The following LIPI variants were observed in gnomAD, a reference collection of about 807,000 sequenced individuals.
LIPI encodes the protein lipase member I.
In LIPI, 59 loss-of-function variants were observed where a neutral mutation model predicts 50.6. The ratio of observed to expected loss-of-function variants is 1.16; its 90% CI spans 0.94 to 1.45. The LOEUF is 1.45. Among genes scored for constraint, LIPI ranks in the 40% most tolerant of loss-of-function variants. The pLI is 0.00. For missense variants in LIPI, 586 were observed against 536.3 expected, an observed-to-expected ratio of 1.09 and a Z score of -0.92; for synonymous variants, 203 against 178.2, an observed-to-expected ratio of 1.14 and a Z score of -1.11.
intron 4 of LIPI, among the ~76,000 whole-genome samples, chr21:14,181,370 G>A (rs1020247941): frequency 1.3e-5 from 2 of 152,052 alleles, no homozygotes; most frequent in Admixed American, 6.6e-5. Flanking sequence ...AGTTCTAGTC[G>A]ATATATATCA....
intron 1 of LIPI, among the ~76,000 whole-genome samples, chr21:14,192,478 A>C (rs970836052): frequency 3.3e-5 from 5 of 152,210 alleles, no homozygotes; most frequent in African/African-American, 1.2e-4. Context: ...CAAACAAAGA[A>C]ACAAACAACA....
At chr21:14,165,803 T>C (rs2018662676) in intron 5 of LIPI, among the ~76,000 whole-genome samples, 1 of 152,196 alleles carries the variant, frequency 6.6e-6, no homozygotes, top group Admixed American at 6.5e-5. Flanking sequence ...TTTCCAACCT[T>C]GCACATCCTC....
At chr21:14,191,071 G>C (rs558519175) in intron 1 of LIPI, among the ~76,000 whole-genome samples, 1 of 151,852 alleles carries the variant, frequency 6.6e-6, no homozygotes, top group South Asian at 2.1e-4. Context: ...TCAAAAACTG[G>C]AGCAGGAGTA....
intron 9 of LIPI, among the ~76,000 whole-genome samples, chr21:14,135,465 C>T (rs916770570): frequency 3.9e-5 from 6 of 152,102 alleles, no homozygotes; most frequent in South Asian, 2.1e-4. Flanking sequence ...CCAGGAGTGG[C>T]GGCATGGTGC....
chr21:14,127,565 A>G (rs911018346), intron 9 of LIPI, among the ~76,000 whole-genome samples: 3 of 152,162 alleles, frequency 2.0e-5, no homozygotes, highest in African/African-American at 7.2e-5. Flanking sequence ...GCTCTGTTGC[A>G]TATCCTAATG....
intron 9 of LIPI, among the ~76,000 whole-genome samples, chr21:14,133,420 C>T (rs1450062498): frequency 6.6e-6 from 1 of 152,080 alleles, no homozygotes; most frequent in Non-Finnish European, 1.5e-5. Context: ...TGATAAAATT[C>T]CACATCTTTT....
chr21:14,134,470 G>T lies in LIPI; in HGVS notation c.1295+10153C>A, dbSNP rs140965924. On this transcript the variant is annotated intron_variant, in intron 9 of 9. Coordinates refer to ENST00000681601, the MANE Select transcript of LIPI (RefSeq NM_001302998.2). ...AAAATTCGTATGGAATCAGAAGAGA[G>T]CCCAAATAACCAAAGCAATCCTAAG... Among the ~76,000 whole-genome samples, 948 of 152,194 alleles carry T rather than the reference G, an allele frequency of 6.2e-3. 4 individuals are homozygous for T. The highest frequency in any genetic ancestry group is 0.027 in the Middle Eastern group (8 of 294).
At chr21:14,176,117 GCAGTGAGCTGAGATCGCGC>G (rs2019086653) in intron 4 of LIPI, among the ~76,000 whole-genome samples, 2 of 150,092 alleles carry the variant, frequency 1.3e-5, no homozygotes, top group Admixed American at 1.3e-4. Context: ...GTTGGAGCTT[GCAGTGAGCTGAGATCGCGC>G]CACTGCACTC....
At chr21:14,154,549 T>A (rs952558084) in intron 7 of LIPI, among the ~76,000 whole-genome samples, 5 of 152,090 alleles carry the variant, frequency 3.3e-5, no homozygotes, top group Admixed American at 3.3e-4. Context: ...TGATACTATT[T>A]ATAATTAATA....
At chr21:14,111,581 G>C (rs922114362) in intron 9 of LIPI, among the ~76,000 whole-genome samples, 3 of 151,984 alleles carry the variant, frequency 2.0e-5, no homozygotes, top group Admixed American at 6.6e-5. Context: ...ATGAGCATAA[G>C]CTTTTTAGTT....
intron 3 of LIPI, among the ~76,000 whole-genome samples, chr21:14,184,239 C>T: frequency 6.6e-6 from 1 of 152,108 alleles, no homozygotes; most frequent in Non-Finnish European, 1.5e-5. Flanking sequence ...AAAAACCAAA[C>T]ACCGCATGTT....
At chr21:14,172,990 G>T (rs887762859) in intron 4 of LIPI, among the ~76,000 whole-genome samples, 4 of 152,162 alleles carry the variant, frequency 2.6e-5, no homozygotes, top group Non-Finnish European at 4.4e-5. Context: ...AATAATAAGT[G>T]CTATGGAGAA....
chr21:14,194,154 C>T (rs1281673591), intron 1 of LIPI, among the ~76,000 whole-genome samples: 1 of 152,192 alleles, frequency 6.6e-6, no homozygotes, highest in South Asian at 2.1e-4. Flanking sequence ...TGGAAAATAA[C>T]AACTGTTGGT....
intron 9 of LIPI, among the ~76,000 whole-genome samples, chr21:14,134,194 A>G (rs2017405642): frequency 6.6e-6 from 1 of 152,178 alleles, no homozygotes. Context: ...TCATGCCAGT[A>G]TACTTCAGCC....
intron 7 of LIPI, among the ~76,000 whole-genome samples, chr21:14,154,437 T>C (rs989199415): frequency 1.3e-5 from 2 of 152,080 alleles, no homozygotes; most frequent in East Asian, 1.9e-4. Flanking sequence ...TACTAGGATA[T>C]ACTTCAGCAA....
chr21:14,133,926 T>C (rs2017392881), intron 9 of LIPI, among the ~76,000 whole-genome samples: 1 of 152,048 alleles, frequency 6.6e-6, no homozygotes, highest in Non-Finnish European at 1.5e-5. Flanking sequence ...ATCAAGGAGG[T>C]AAATCATCAC....
rs768937505 is a variant in LIPI at position 14,186,000 on chromosome 21, C to G, written c.502G>C (p.Val168Leu). ...AGTTGACCATGAAATATCTTTCCAA[C>G]AAATCCACTGATATGAGCCCCTAAG... The part of the protein sequence containing the change: ...VSLGAHISGF[V>L]GKIFHGQLGR... The change falls in exon 3 of 10, where the codon GTT (valine) becomes CTT (leucine). Residue 168 changes from valine to leucine, a missense_variant. Transcript: ENST00000681601. 19 of 1,601,688 alleles carry G rather than the reference C, an allele frequency of 1.2e-5. No individual in the cohort carries two copies. Among genetic ancestry groups the G allele is most frequent in the Non-Finnish European group, 1.6e-5 (19 of 1,169,272 alleles).
At chr21:14,185,682 A>G (rs1311297145) in intron 3 of LIPI, among the ~76,000 whole-genome samples, 1 of 152,160 alleles carries the variant, frequency 6.6e-6, no homozygotes, top group African/African-American at 2.4e-5. Context: ...GTTAGAGACC[A>G]GTCTGGCCAA....
At chr21:14,192,502 T>C (rs1368314793) in intron 1 of LIPI, among the ~76,000 whole-genome samples, 2 of 151,874 alleles carry the variant, frequency 1.3e-5, no homozygotes. Flanking sequence ...ACAAAAACAG[T>C]TATCAAATGA....
Sources: gnomAD v4.1 joint callset for allele counts (sites outside exome capture counted in the v4.1 genomes callset) on GRCh38, gnomAD v4.1.1 for gene constraint, MANE v1.5 for transcripts, NCBI Gene and HGNC (gene_info 2026-07-23, HGNC 2026-07-21) for gene names.